CATSPERG: variants seen among roughly 807,000 people sequenced by gnomAD.
CATSPERG encodes cation channel sperm-associated auxiliary subunit gamma.
CATSPERG carries 115 observed loss-of-function variants against 145.0 expected under a neutral mutation model. That is an observed-to-expected ratio of 0.79 (90% confidence interval 0.68 to 0.93). The LOEUF is 0.93. Ranked by LOEUF, CATSPERG falls within the 40% of genes least tolerant of loss-of-function variation. CATSPERG has a pLI of 0.00. For synonymous variants in CATSPERG, 588 were observed against 589.0 expected, an observed-to-expected ratio of 1.00 and a Z score of 0.02; for missense variants, 1,296 against 1,490.1, an observed-to-expected ratio of 0.87 and a Z score of 2.14.
intron 17 of CATSPERG, 53 bp from the exon 18 acceptor site, chr19:38,362,157 G>A: frequency 6.5e-7 from 1 of 1,544,430 alleles, no homozygotes; most frequent in South Asian, 1.2e-5. Context: ...CGCTTGCCTG[G>A]AGGCTCTCGC....
At chr19:38,339,266 A>AAGGAGCC (rs201307805) in intron 3 of CATSPERG, among the ~76,000 whole-genome samples, 21,960 of 152,070 alleles carry the variant, frequency 0.14, 1,863 homozygotes, top group South Asian at 0.21. Context: ...CGCAAGGAGC[A>AAGGAGCC]AGCAAGTCTA....
intron 3 of CATSPERG, among the ~76,000 whole-genome samples, chr19:38,339,860 C>CT (rs113183115): frequency 0.074 from 10,732 of 144,684 alleles, 444 homozygotes; most frequent in East Asian, 0.18. Context: ...TGAGATTCTT[C>CT]TTTTTTTTTT....
chr19:38,362,126 T>C, intron 17 of CATSPERG, 84 bp from the exon 18 acceptor site: 3 of 1,434,816 alleles, frequency 2.1e-6, no homozygotes, highest in Non-Finnish European at 2.9e-6. Context: ...GCTTTGAGGC[T>C]AGGAGGTGGT....
In CATSPERG at chr19:38,362,731, C is replaced by A. The variant is rs779804558; in HGVS notation, c.2374C>A (p.His792Asn). The A allele has an allele frequency of 7.4e-6, 12 of 1,614,032 alleles. No homozygotes were observed. Among genetic ancestry groups the A allele is most frequent in the East Asian group, 4.5e-5 (2 of 44,894 alleles). Residue 792 changes from histidine (H) to asparagine (N), a missense_variant, in exon 20 of 29, where the codon CAT becomes AAT. Physicochemically the swap from His to Asn is moderately conservative, Grantham distance 68 (BLOSUM62 1). Coordinates refer to ENST00000409235, the MANE Select transcript of CATSPERG (RefSeq NM_021185.5). ...QSELGTAFQL[H>N]SQVDVGVVLA... Reference sequence around the variant, plus strand: ...CGGAGCAGGCACCGCCTTCCAGCTGCATAGCCAGGTGGACGTGGGCGTGGT... The same window carrying A: ...CGGAGCAGGCACCGCCTTCCAGCTGAATAGCCAGGTGGACGTGGGCGTGGT...
intron 6 of CATSPERG, among the ~76,000 whole-genome samples, chr19:38,344,948 C>T (rs1970014988): frequency 7.8e-6 from 1 of 128,616 alleles, no homozygotes; most frequent in Non-Finnish European, 1.6e-5. Flanking sequence ...GCTCTGTCAT[C>T]CAGGCTGGAG....
chr19:38,360,742 TA>T lies in CATSPERG; in HGVS notation c.1780del (p.Met594Ter). Reference protein sequence around the residue: ...DSKLYQLVYLMNNQKGQLVKR... With the variant: ...DSKLYQLVYLXNNQKGQLVKR... ...CCTTCCCCCTGCAGCTGGTGTACCTTATGAACAACCAGAAGGGCCAGCTGGT... is the reference window on the plus strand; with the variant it reads ...CCTTCCCCCTGCAGCTGGTGTACCTTTGAACAACCAGAAGGGCCAGCTGGT... On this transcript the variant is annotated frameshift_variant, in exon 16 of 29. Coordinates refer to ENST00000409235, the MANE Select transcript of CATSPERG (RefSeq NM_021185.5). LOFTEE classifies it high-confidence loss of function. The T allele has an allele frequency of 6.2e-7, 1 of 1,614,072 alleles. No homozygotes were observed. Among genetic ancestry groups the T allele is most frequent in the Non-Finnish European group, 8.5e-7 (1 of 1,179,978 alleles).
intron 3 of CATSPERG, 172 bp downstream of exon 3, chr19:38,337,818 A>T (rs1969869207): frequency 1.8e-6 from 1 of 553,718 alleles, no homozygotes; most frequent in Non-Finnish European, 3.0e-6. Context: ...TCCCGTGTTC[A>T]AGCGATGCTC....
At position 38,370,541 on chromosome 19, in the gene CATSPERG, T is replaced by C. The variant is rs549955953; in HGVS notation, c.3229T>C (p.Phe1077Leu). The change falls in exon 29 of 29, where the codon TTT (phenylalanine) becomes CTT (leucine). Residue 1077 changes from phenylalanine to leucine, a missense_variant. Physicochemically the swap from Phe to Leu is conservative, Grantham distance 22. Transcript: ENST00000409235. The part of the protein sequence containing the change: ...LFIIMVSASV[F>L]VGLVIFYIAF... ...CTCCCTGCAGGTGTCAGCTAGCGTG[T>C]TTGTGGGCCTGGTGATCTTCTACAT... 65 of 1,614,164 alleles carry C rather than the reference T, an allele frequency of 4.0e-5. 1 individual carries two copies. In the South Asian group the frequency reaches 6.5e-4, roughly 16 times the overall value.
chr19:38,337,396 G>C lies in CATSPERG; in HGVS notation c.162G>C (p.Lys54Asn). The C allele has an allele frequency of 6.4e-7, 1 of 1,551,964 alleles. No homozygotes were observed. Among genetic ancestry groups the C allele is most frequent in the Non-Finnish European group, 8.7e-7 (1 of 1,147,062 alleles). Reference sequence around the variant, plus strand: ...GGCAGGTTGTCCTGAACGAGTTTAAGAGGGTAGGCGAGAGTGGTGTGAGCG... The same window carrying C: ...GGCAGGTTGTCCTGAACGAGTTTAACAGGGTAGGCGAGAGTGGTGTGAGCG... ...CTWQVVLNEF[K>N]RVGESGVSDS... Residue 54 changes from lysine (K) to asparagine (N), a missense_variant, in exon 2 of 29, where the codon AAG becomes AAC. Transcript: ENST00000409235.
intron 9 of CATSPERG, among the ~76,000 whole-genome samples, chr19:38,356,102 T>C (rs1970237921): frequency 6.6e-6 from 1 of 152,084 alleles, no homozygotes; most frequent in Admixed American, 6.6e-5. Flanking sequence ...ATAATTTGGG[T>C]CCATTTTTAG....
At position 38,361,670 on chromosome 19, in the gene CATSPERG, A is replaced by G. The variant is rs760887654; in HGVS notation, c.1903A>G (p.Ile635Val). Residue 635 changes from isoleucine (I) to valine (V), a missense_variant, in exon 17 of 29, where the codon ATC (isoleucine) becomes GTC (valine). Physicochemically the swap from Ile to Val is conservative, Grantham distance 29 (BLOSUM62 3). Coordinates refer to ENST00000409235, the MANE Select transcript of CATSPERG (RefSeq NM_021185.5). ...CAGGGGCTACTTGATGCTCTCCTTC[A>G]TCGACTTCTGCCCCTTCTCGGTGAT... is the stretch of plus-strand genomic sequence containing the variant. ...RKGGYLMLSF[I>V]DFCPFSVMRL... 3.1e-6 allele frequency: 5 copies of G among 1,608,836 alleles called. No individual in the cohort carries two copies. The highest frequency in any genetic ancestry group is 1.1e-5 in the South Asian group (1 of 90,898).
At chr19:38,349,267 G>A (rs1469110160) in intron 7 of CATSPERG, 1 of 152,050 alleles carries the variant, frequency 6.6e-6, no homozygotes, top group Non-Finnish European at 1.5e-5. Flanking sequence ...TAGTAGCTGG[G>A]ACTACAGGCG....
chr19:38,364,792 A>G, intron 20 of CATSPERG, 99 bp from the exon 21 acceptor site: 1 of 947,662 alleles, frequency 1.1e-6, no homozygotes. Flanking sequence ...CCTACCAGCC[A>G]CCACCTCGCC....
At chr19:38,339,958 G>C (rs1218434475) in intron 3 of CATSPERG, among the ~76,000 whole-genome samples, 1 of 151,886 alleles carries the variant, frequency 6.6e-6, no homozygotes. Flanking sequence ...AGGTTCAAGC[G>C]ATTCTCCTGC....
intron 7 of CATSPERG, among the ~76,000 whole-genome samples, chr19:38,352,000 G>A (rs1036401659): frequency 2.6e-5 from 4 of 152,200 alleles, no homozygotes; most frequent in South Asian, 2.1e-4. Context: ...GCTAAGGACC[G>A]TTGAGCATGC....
intron 8 of CATSPERG, 56 bp downstream of exon 8, chr19:38,352,488 C>G: frequency 6.6e-7 from 1 of 1,514,162 alleles, no homozygotes; most frequent in Non-Finnish European, 9.0e-7. Flanking sequence ...TGAACCCCTC[C>G]ACTGAAGGTG....
intron 14 of CATSPERG, chr19:38,359,847 T>C: frequency 1.7e-6 from 2 of 1,198,330 alleles, no homozygotes; most frequent in South Asian, 3.8e-5. Context: ...TTCATAAATA[T>C]TGAGCATTTA....
In CATSPERG at chr19:38,367,210, T is replaced by G. The variant is rs1395848757; in HGVS notation, c.2668T>G (p.Phe890Val). 5 of 1,613,724 alleles carry G rather than the reference T, an allele frequency of 3.1e-6. No individual in the cohort carries two copies. Among genetic ancestry groups the G allele is most frequent in the Non-Finnish European group, 4.2e-6 (5 of 1,179,966 alleles). ...CTGCCCCCCAGGCAAGCGCCTGGCC[T>G]TCGACATCACCTACACGCTGGAATA... Reference protein sequence around the residue: ...IGCPPGKRLAFDITYTLEYSR... With the variant: ...IGCPPGKRLAVDITYTLEYSR... The change falls in exon 23 of 29, where the codon TTC (phenylalanine) becomes GTC (valine). Residue 890 changes from phenylalanine (F) to valine (V), a missense_variant. By Grantham distance (50) the Phe-to-Val change is conservative. Coordinates refer to ENST00000409235, the MANE Select transcript of CATSPERG (RefSeq NM_021185.5).
rs200497600 is a variant in CATSPERG at position 38,367,755 on chromosome 19, G to A, written c.2909G>A (p.Arg970His). The A allele has an allele frequency of 1.9e-4, 299 of 1,614,046 alleles. 1 individual carries two copies. The highest frequency in any genetic ancestry group is 2.1e-4 in the Non-Finnish European group (249 of 1,179,948). The change falls in exon 25 of 29, where the codon CGC becomes CAC. Residue 970 changes from arginine (R) to histidine (H), a missense_variant. Arg to His is a conservative substitution (Grantham distance 29). Coordinates refer to ENST00000409235, the MANE Select transcript of CATSPERG (RefSeq NM_021185.5). ...GACTACAGTGAGGACGAAATCTACC[G>A]CTTCAACAGCCCCCTGGACAAGTAA... Reference protein sequence around the residue: ...LKDYSEDEIYRFNSPLDKTNS... With the variant: ...LKDYSEDEIYHFNSPLDKTNS...
Sources: allele counts gnomAD v4.1 joint callset (sites outside exome capture counted in the v4.1 genomes callset), GRCh38; gene constraint gnomAD v4.1.1; transcripts MANE v1.5; gene names NCBI Gene and HGNC (gene_info 2026-07-23, HGNC 2026-07-21).